Variants in ATP11A observed in about 807,000 individuals in gnomAD.
ATP11A encodes phospholipid-transporting ATPase IH.
A neutral mutation model predicts 154.4 loss-of-function variants in ATP11A; 81 were observed. The observed-to-expected ratio is 0.52, with a 90% CI of 0.44 to 0.63. The LOEUF is 0.63. Ranked by LOEUF, ATP11A falls within the 30% of genes least tolerant of loss-of-function variation. The probability of loss-of-function intolerance (pLI) is 0.00; values close to 1 mark genes in which losing one functional copy is unlikely to be tolerated. For missense variants in ATP11A, 1,316 were observed against 1,474.3 expected (o/e 0.89, Z 1.76); for synonymous variants, 623 against 585.9 (o/e 1.06, Z -0.91).
At position 112,882,512 on chromosome 13, in the gene ATP11A, G is replaced by A. The variant is rs1358115562; in HGVS notation, c.*646G>A. The A allele has an allele frequency of 4.3e-6, 2 of 460,204 alleles. No individual in the cohort carries two copies. The highest frequency in any genetic ancestry group is 7.6e-6 in the Non-Finnish European group (2 of 264,328). The allele number at this position is 460,204 out of a possible 1,614,324, so 28.5% of individuals were successfully genotyped here. On this transcript the variant is annotated 3_prime_UTR_variant, in exon 30 of 30. Coordinates refer to ENST00000375645, the MANE Select transcript of ATP11A (RefSeq NM_015205.3). This position sits in a 1 kb window ranked among gnomAD's most constrained non-coding sequence, Gnocchi z 5.1. ...TGCTGTGGGAAGGGCCGGGTCACTC[G>A]GATACCATCATCCCTGCGGATGCAC...
At chr13:112,698,714 T>A (rs527589748) in intron 1 of ATP11A, among the ~76,000 whole-genome samples, 2 of 143,602 alleles carry the variant, frequency 1.4e-5, no homozygotes, top group African/African-American at 5.0e-5. Context: ...TTTTATTTAT[T>A]TATCTTTATT....
At position 112,787,950 on chromosome 13, in the gene ATP11A, G is replaced by A. The variant is rs1335911948; in HGVS notation, c.162+2693G>A. Among the ~76,000 whole-genome samples the A allele has an allele frequency of 4.6e-5, 7 of 151,232 alleles. No individual in the cohort carries two copies. In the South Asian group the frequency reaches 1.5e-3, roughly 32 times the overall value. On this transcript the variant is annotated intron_variant, in intron 2 of 29. Coordinates refer to ENST00000375645, the MANE Select transcript of ATP11A (RefSeq NM_015205.3). ...CTTAATTCACACTGGGTGTCCTGAT[G>A]CGTAGACTCCTGTGGAGACCTACTT...
At chr13:112,836,831 C>T (rs947732478) in intron 16 of ATP11A, among the ~76,000 whole-genome samples, 5 of 152,212 alleles carry the variant, frequency 3.3e-5, no homozygotes, top group South Asian at 2.1e-4. Flanking sequence ...GTGACCCACA[C>T]GGTTGGGCAC....
chr13:112,744,116 C>T (rs1465461409), intron 1 of ATP11A, among the ~76,000 whole-genome samples: 2 of 152,206 alleles, frequency 1.3e-5, no homozygotes, highest in Non-Finnish European at 2.9e-5. Flanking sequence ...TTCCTCTTCA[C>T]GCATTTGTCA....
intron 25 of ATP11A, among the ~76,000 whole-genome samples, chr13:112,870,511 T>G (rs1335287832): frequency 6.6e-6 from 1 of 152,204 alleles, no homozygotes; most frequent in Non-Finnish European, 1.5e-5. Flanking sequence ...CCCTAGTGGC[T>G]GAGATTACAG....
At chr13:112,878,066 C>T (rs2080782212) in intron 28 of ATP11A, 151 bp from the exon 29 acceptor site, 3 of 720,062 alleles carry the variant, frequency 4.2e-6, no homozygotes, top group South Asian at 3.4e-5. Flanking sequence ...ACCAGAAGAA[C>T]TTGCACGTGG....
intron 27 of ATP11A, among the ~76,000 whole-genome samples, chr13:112,874,234 C>T (rs1015214268): frequency 5.3e-5 from 8 of 152,102 alleles, no homozygotes; most frequent in South Asian, 2.1e-4. Flanking sequence ...CAGGCCCGGG[C>T]GGGAGGAGGT....
chr13:112,695,833 T>G (rs959982817), intron 1 of ATP11A, among the ~76,000 whole-genome samples: 3 of 152,228 alleles, frequency 2.0e-5, no homozygotes, highest in African/African-American at 7.2e-5. Flanking sequence ...CCCAGACTTA[T>G]CAATGTTTTT....
intron 1 of ATP11A, among the ~76,000 whole-genome samples, chr13:112,763,566 G>C (rs406997): frequency 0.15 from 23,235 of 152,136 alleles, 1,874 homozygotes; most frequent in African/African-American, 0.2. Flanking sequence ...TCCCTTTCCA[G>C]CTCTTTTCTG....
intron 1 of ATP11A, among the ~76,000 whole-genome samples, chr13:112,728,913 C>T (rs1890192022): frequency 6.6e-6 from 1 of 152,176 alleles, no homozygotes; most frequent in South Asian, 2.1e-4. Flanking sequence ...GGCTTCCCTC[C>T]TGGGGGTGGC....
chr13:112,710,869 C>T (rs1055940245), intron 1 of ATP11A, among the ~76,000 whole-genome samples: 5 of 152,260 alleles, frequency 3.3e-5, no homozygotes, highest in African/African-American at 1.2e-4. Context: ...GTTCGGCTCC[C>T]TGGGGCTCTC....
At chr13:112,810,557 C>T in intron 4 of ATP11A, 62 bp from the exon 5 acceptor site, 1 of 1,357,402 alleles carries the variant, frequency 7.4e-7, no homozygotes, top group South Asian at 1.2e-5. Context: ...GTCTCTCCCT[C>T]CCTTTCTCCT....
At chr13:112,839,933 C>T (rs544680827) in intron 16 of ATP11A, among the ~76,000 whole-genome samples, 4 of 152,270 alleles carry the variant, frequency 2.6e-5, no homozygotes, top group Non-Finnish European at 5.9e-5. Flanking sequence ...GAAACAACAG[C>T]GTTGGCTGGA....
Position 112,873,628 on chromosome 13 carries a change from C to T in ATP11A, c.3113C>T (p.Ser1038Leu), listed in dbSNP as rs1451569881. Reference protein sequence around the residue: ...TWINHFVIWGSLLFYVVFSLL... With the variant: ...TWINHFVIWGLLLFYVVFSLL... ...ATCAACCATTTTGTCATCTGGGGGT[C>T]GCTGCTGTTCTACGTTGTCTTTTCG... is the stretch of plus-strand genomic sequence containing the variant. Residue 1038 changes from serine to leucine, a missense_variant, in exon 27 of 30, where the codon TCG becomes TTG. This residue lies in a region of ATP11A where 294 missense variants were observed against 290.2 expected (regional missense o/e 1.01). Coordinates refer to ENST00000375645, the MANE Select transcript of ATP11A (RefSeq NM_015205.3). 3.9e-5 allele frequency: 63 copies of T among 1,613,174 alleles called. No individual in the cohort carries two copies. Among genetic ancestry groups the T allele is most frequent in the Non-Finnish European group, 5.2e-5 (61 of 1,179,772 alleles).
chr13:112,881,219 T>G lies in ATP11A; in HGVS notation c.*10-657T>G, dbSNP rs1293595770. The stretch of plus-strand genomic sequence containing the variant: ...AGACAGATGCGTGCTGCCGGCCTCC[T>G]GCCGCTCCCCTTGCTGGTCAGACCC... On this transcript the variant is annotated intron_variant, in intron 29 of 29. Coordinates refer to ENST00000375645, the MANE Select transcript of ATP11A (RefSeq NM_015205.3). 6 of 989,378 alleles carry G rather than the reference T, an allele frequency of 6.1e-6. No individual in the cohort carries two copies. In the African/African-American group the frequency reaches 8.7e-5, roughly 14 times the overall value. 61.3% of individuals were successfully genotyped at this position (989,378 alleles called of 1,614,324 possible). A position where few individuals can be genotyped will look rare whatever the true frequency, so the allele number is the denominator to read the frequency against.
At chr13:112,793,629 A>G (rs1366513763) in intron 2 of ATP11A, among the ~76,000 whole-genome samples, 1 of 152,242 alleles carries the variant, frequency 6.6e-6, no homozygotes, top group Non-Finnish European at 1.5e-5. Context: ...GAGTGACCTC[A>G]GTTCCATGCG....
chr13:112,714,579 C>T (rs141410458), intron 1 of ATP11A, among the ~76,000 whole-genome samples: 7 of 152,250 alleles, frequency 4.6e-5, no homozygotes, highest in African/African-American at 1.7e-4. Flanking sequence ...CTCCAGCCCC[C>T]TCTGCTGCCT....
chr13:112,705,567 C>T (rs569588108), intron 1 of ATP11A, among the ~76,000 whole-genome samples: 170 of 152,196 alleles, frequency 1.1e-3, no homozygotes, highest in African/African-American at 3.4e-3. Flanking sequence ...GAAGGGTGTC[C>T]GGGACGGGGC....
intron 1 of ATP11A, among the ~76,000 whole-genome samples, chr13:112,723,237 G>T (rs1006635538): frequency 4.8e-5 from 7 of 145,726 alleles, no homozygotes; most frequent in African/African-American, 1.8e-4. Context: ...GGAGACCAGG[G>T]CTTTATCACG....
Sources: gnomAD v4.1 joint callset for allele counts (sites outside exome capture counted in the v4.1 genomes callset) on GRCh38, gnomAD v4.1.1 for gene constraint, gnomAD v4.1.1 regional missense constraint, Gnocchi (gnomAD v3.1) non-coding constraint, MANE v1.5 for transcripts, NCBI Gene and HGNC (gene_info 2026-07-23, HGNC 2026-07-21) for gene names.